NSRP1: variants seen among roughly 807,000 people sequenced by gnomAD.
NSRP1 encodes the protein nuclear speckle splicing regulatory protein 1, also known as coiled-coil domain containing 55.
Under a neutral mutation model 54.7 loss-of-function variants are expected in NSRP1, and 24 were observed. The observed-to-expected ratio is 0.44, with a 90% CI of 0.32 to 0.62. The LOEUF is 0.62. NSRP1 is among the 20% of genes least tolerant of loss of function. NSRP1 has a pLI of 0.06. For missense variants in NSRP1, 596 were observed against 651.2 expected (o/e 0.92, Z 0.92); for synonymous variants, 210 against 213.8 (o/e 0.98, Z 0.15).
chr17:30,145,928 C>T (rs1442654440), intron 2 of NSRP1, among the ~76,000 whole-genome samples: 2 of 152,218 alleles, frequency 1.3e-5, no homozygotes, highest in African/African-American at 4.8e-5. Flanking sequence ...TGGCTCACTG[C>T]AGCCTCGATG....
chr17:30,163,804 C>T (rs920167108), intron 2 of NSRP1, among the ~76,000 whole-genome samples: 11 of 151,284 alleles, frequency 7.3e-5, no homozygotes, highest in African/African-American at 2.7e-4. Context: ...GCCTCAGCCT[C>T]CCCGAGTAGC....
chr17:30,148,711 G>A (rs55744550), intron 2 of NSRP1, among the ~76,000 whole-genome samples: 62,558 of 152,060 alleles, frequency 0.41, 14,355 homozygotes, highest in East Asian at 0.82. Context: ...TGGCTTGTAG[G>A]GGCCAGAGGA....
intron 2 of NSRP1, among the ~76,000 whole-genome samples, chr17:30,147,997 G>A (rs1250133244): frequency 6.6e-6 from 1 of 151,634 alleles, no homozygotes; most frequent in African/African-American, 2.4e-5. Context: ...ATTTTTGGTA[G>A]AGTTGGGGTT....
intron 2 of NSRP1, chr17:30,168,232 C>T (rs991510126): frequency 3.2e-4 from 48 of 152,252 alleles, no homozygotes; most frequent in African/African-American, 8.7e-4. Context: ...GTAGCCTTAA[C>T]AATTAAAGGT....
At chr17:30,141,057 G>A (rs932039727) in intron 2 of NSRP1, among the ~76,000 whole-genome samples, 6 of 152,204 alleles carry the variant, frequency 3.9e-5, no homozygotes, top group Non-Finnish European at 8.8e-5. Context: ...CTGGGCTCAA[G>A]CAGTTCTCCT....
chr17:30,178,351 A>T, intron 4 of NSRP1, 152 bp downstream of exon 4: 1 of 830,514 alleles, frequency 1.2e-6, no homozygotes, highest in Non-Finnish European at 1.8e-6. Flanking sequence ...TTGATTGTAG[A>T]ACTCAAGCAG....
chr17:30,185,396 C>A lies in NSRP1; in HGVS notation c.1399C>A (p.Leu467Ile), dbSNP rs1209327451. ...SPNSRAKDKF[L>I]DQERSNKMRN... ...AAATTCTAGGGCAAAGGATAAATTT[C>A]TTGACCAAGAAAGATCCAACAAAAT... The change falls in exon 7 of 7, where the codon CTT becomes ATT. Residue 467 changes from leucine (L) to isoleucine (I), a missense_variant. Physicochemically the swap from Leu to Ile is conservative, Grantham distance 5. Coordinates refer to ENST00000247026, the MANE Select transcript of NSRP1 (RefSeq NM_032141.4). The A allele has an allele frequency of 3.1e-6, 5 of 1,611,898 alleles. No individual in the cohort carries two copies. Among genetic ancestry groups the A allele is most frequent in the Admixed American group, 1.7e-5 (1 of 59,550 alleles).
At chr17:30,175,008 T>C (rs1905079608) in intron 3 of NSRP1, among the ~76,000 whole-genome samples, 1 of 152,236 alleles carries the variant, frequency 6.6e-6, no homozygotes, top group Admixed American at 6.5e-5. Flanking sequence ...TTGGCGAGCC[T>C]TATACAATGA....
intron 6 of NSRP1, among the ~76,000 whole-genome samples, chr17:30,183,486 A>G (rs1905388591): frequency 6.6e-6 from 1 of 152,232 alleles, no homozygotes; most frequent in African/African-American, 2.4e-5. Flanking sequence ...TTAGGCTGCC[A>G]TGAAACTCTG....
rs1555578509 is a variant in NSRP1 at position 30,138,922 on chromosome 17, T to TTTG, written c.114+20751_114+20752insGTT. On this transcript the variant is annotated intron_variant, in intron 2 of 6. Transcript: ENST00000247026. ...TCAAGTCTTAGCGTTTTTTTTTTTT[T>TTTG]TTTTTTTTTTTTTGAGATGGAGTCT... is the stretch of plus-strand genomic sequence containing the variant. Among the ~76,000 whole-genome samples, 7 of 135,706 alleles carry TTTG rather than the reference T, an allele frequency of 5.2e-5. No individual in the cohort carries two copies. In the East Asian group the frequency reaches 1.3e-3, roughly 26 times the overall value. 89.0% of individuals were successfully genotyped at this position (135,706 alleles called of 152,430 possible). A position where few individuals can be genotyped will look rare whatever the true frequency, so the allele number is the denominator to read the frequency against.
In NSRP1 at chr17:30,185,109, G is replaced by C; in HGVS notation, c.1112G>C (p.Arg371Thr). ...GATAAACCAAGGGCGAGGGACCAAAGAGAAAGAAGTGACAGAGTATGGAAA... is the reference window on the plus strand; with the variant it reads ...GATAAACCAAGGGCGAGGGACCAAACAGAAAGAAGTGACAGAGTATGGAAA... ...QEDKPRARDQRERSDRVWKRE... is the reference protein window; with the variant it reads ...QEDKPRARDQTERSDRVWKRE... The change falls in exon 7 of 7, where the codon AGA becomes ACA. Residue 371 changes from arginine (R) to threonine (T), a missense_variant. Physicochemically the swap from Arg to Thr is moderately conservative, Grantham distance 71. Transcript: ENST00000247026. 1 of 1,612,768 alleles carries C rather than the reference G, an allele frequency of 6.2e-7. No homozygotes were observed. Among genetic ancestry groups the C allele is most frequent in the South Asian group, 1.1e-5 (1 of 90,894 alleles).
chr17:30,157,866 A>G (rs550679656), intron 2 of NSRP1, among the ~76,000 whole-genome samples: 1 of 152,234 alleles, frequency 6.6e-6, no homozygotes, highest in East Asian at 1.9e-4. Context: ...ATAGTATTCT[A>G]TTGTTTAACA....
chr17:30,166,814 T>C lies in NSRP1; in HGVS notation c.115-5728T>C, dbSNP rs141960174. ...GGTGGCGCACACTTGTAATCCCAGC[T>C]ACTCGGGAGGCTGAGGCAGGAGAAT... On this transcript the variant is annotated intron_variant, in intron 2 of 6. Coordinates refer to ENST00000247026, the MANE Select transcript of NSRP1 (RefSeq NM_032141.4). Among the ~76,000 whole-genome samples, 241 of 152,192 alleles carry C rather than the reference T, an allele frequency of 1.6e-3. 1 individual carries two copies. The highest frequency in any genetic ancestry group is 5.5e-3 in the African/African-American group (228 of 41,538).
At chr17:30,177,915 G>T in intron 3 of NSRP1, 156 bp from the exon 4 acceptor site, 1 of 868,918 alleles carries the variant, frequency 1.2e-6, no homozygotes, top group Non-Finnish European at 1.9e-6. Context: ...TACCCAGGCA[G>T]CCTGGCTCCA....
At chr17:30,129,235 A>G (rs1329257182) in intron 2 of NSRP1, among the ~76,000 whole-genome samples, 1 of 152,128 alleles carries the variant, frequency 6.6e-6, no homozygotes, top group Non-Finnish European at 1.5e-5. Flanking sequence ...TTTTAAAAGC[A>G]TGAGGTAGAT....
chr17:30,147,120 T>C (rs1015126622), intron 2 of NSRP1, among the ~76,000 whole-genome samples: 1 of 120,622 alleles, frequency 8.3e-6, no homozygotes, highest in East Asian at 3.9e-4. Flanking sequence ...CTTTTTCTTT[T>C]TCTTTTCTTT....
At chr17:30,171,972 ACTCCCTCTCTCTCTCT>A (rs1221101373) in intron 2 of NSRP1, among the ~76,000 whole-genome samples, 3 of 46,644 alleles carry the variant, frequency 6.4e-5, no homozygotes, top group African/African-American at 1.8e-4. Flanking sequence ...ACACACACAC[ACTCCCTCTCTCTCTCT>A]CTCTCTCTCT....
chr17:30,121,569 TG>T (rs1203036704), intron 2 of NSRP1, among the ~76,000 whole-genome samples: 5 of 131,442 alleles, frequency 3.8e-5, no homozygotes, highest in African/African-American at 1.7e-4. Flanking sequence ...TGTGTGTGTG[TG>T]TTTTTTTTTT....
intron 2 of NSRP1, chr17:30,163,178 T>A (rs935356431): frequency 6.8e-6 from 1 of 147,642 alleles, no homozygotes; most frequent in African/African-American, 2.5e-5. Context: ...TACCACCACA[T>A]CCGGCTAATT....
Sources: gnomAD v4.1 joint callset for allele counts (sites outside exome capture counted in the v4.1 genomes callset) on GRCh38, gnomAD v4.1.1 for gene constraint, MANE v1.5 for transcripts, NCBI Gene and HGNC (gene_info 2026-07-23, HGNC 2026-07-21) for gene names.